Variants in CORO2B observed in about 807,000 individuals in gnomAD.
CORO2B encodes the protein coronin 2B.
In CORO2B, 26 loss-of-function variants were observed where a neutral mutation model predicts 58.8. The observed-to-expected ratio is 0.44, with a 90% CI of 0.32 to 0.61. CORO2B has a LOEUF of 0.61. CORO2B is among the 20% of genes least tolerant of loss of function. The pLI is 0.04. For missense variants in CORO2B, 460 were observed against 645.1 expected, an observed-to-expected ratio of 0.71 and a Z score of 3.11; for synonymous variants, 242 against 253.8, an observed-to-expected ratio of 0.95 and a Z score of 0.44.
At chr15:68,584,843 C>A (rs1335072388) in intron 1 of CORO2B, among the ~76,000 whole-genome samples, 1 of 152,130 alleles carries the variant, frequency 6.6e-6, no homozygotes, top group Non-Finnish European at 1.5e-5. Context: ...ATGGGGCAGG[C>A]CTTGCCAGGG....
the CORO2B span, among the ~76,000 whole-genome samples, chr15:68,531,370 G>T: frequency 1.3e-5 from 2 of 152,050 alleles, no homozygotes; most frequent in African/African-American, 4.8e-5. Context: ...GGTGATGTGT[G>T]CCTGTAATCC....
At chr15:68,660,250 G>A (rs1330822726) in intron 2 of CORO2B, among the ~76,000 whole-genome samples, 8 of 152,154 alleles carry the variant, frequency 5.3e-5, no homozygotes, top group African/African-American at 1.9e-4. Context: ...TTGTTTGCTG[G>A]TGCTGCTTCT....
intron 1 of CORO2B, among the ~76,000 whole-genome samples, chr15:68,605,943 C>CT (rs1432990062): frequency 6.6e-6 from 1 of 151,852 alleles, no homozygotes; most frequent in African/African-American, 2.4e-5. Context: ...TCAGGCAGGT[C>CT]TCAAACTCCT....
the CORO2B span, among the ~76,000 whole-genome samples, chr15:68,558,655 CAT>C: frequency 6.6e-6 from 1 of 152,202 alleles, no homozygotes; most frequent in African/African-American, 2.4e-5. Flanking sequence ...GGATTACAAG[CAT>C]GAGCCACCGC....
intron 2 of CORO2B, among the ~76,000 whole-genome samples, chr15:68,660,194 C>A (rs1232523596): frequency 1.3e-5 from 2 of 152,178 alleles, no homozygotes; most frequent in Non-Finnish European, 2.9e-5. Context: ...AAGTCAAGAG[C>A]AGTCTTGAAT....
At chr15:68,650,114 AT>A (rs1410752020) in intron 2 of CORO2B, among the ~76,000 whole-genome samples, 1 of 152,194 alleles carries the variant, frequency 6.6e-6, no homozygotes, top group Non-Finnish European at 1.5e-5. Flanking sequence ...ACCCCCTGTA[AT>A]CCCAGCACTT....
chr15:68,578,587 C>G (rs1293969408), upstream of CORO2B, among the ~76,000 whole-genome samples: 1 of 151,968 alleles, frequency 6.6e-6, no homozygotes, highest in Non-Finnish European at 1.5e-5. This position sits in a 1 kb window ranked among gnomAD's most constrained non-coding sequence, Gnocchi z 4.2. Flanking sequence ...TCACGGCCCA[C>G]GGGCCGACTT....
chr15:68,536,026 G>T, the CORO2B span, among the ~76,000 whole-genome samples: 97 of 152,260 alleles, frequency 6.4e-4, no homozygotes, highest in African/African-American at 2.2e-3. Flanking sequence ...AAACTTATAT[G>T]GTTCTGAAAA....
chr15:68,619,461 C>A (rs998418342), intron 1 of CORO2B, among the ~76,000 whole-genome samples: 1 of 152,036 alleles, frequency 6.6e-6, no homozygotes, highest in African/African-American at 2.4e-5. Flanking sequence ...TCTTATCATC[C>A]CCTGGGGCTT....
At chr15:68,630,263 A>G (rs1189491595) in intron 1 of CORO2B, among the ~76,000 whole-genome samples, 3 of 152,214 alleles carry the variant, frequency 2.0e-5, no homozygotes, top group Non-Finnish European at 4.4e-5. Flanking sequence ...TGCAACGGGC[A>G]GCATGAACTT....
intron 2 of CORO2B, among the ~76,000 whole-genome samples, chr15:68,654,374 C>T (rs1222365176): frequency 6.6e-6 from 1 of 152,220 alleles, no homozygotes; most frequent in African/African-American, 2.4e-5. Context: ...GAGCTGTCTT[C>T]CTGGCTCCAT....
At chr15:68,600,461 C>G (rs2140238846) in intron 1 of CORO2B, among the ~76,000 whole-genome samples, 1 of 152,316 alleles carries the variant, frequency 6.6e-6, no homozygotes, top group Middle Eastern at 3.4e-3. Flanking sequence ...TGGATAACCA[C>G]CGCTGCCCTC....
the CORO2B span, chr15:68,559,751 C>A: frequency 2.0e-6 from 1 of 494,128 alleles, no homozygotes; most frequent in Non-Finnish European, 2.6e-6. This position sits in a 1 kb window ranked among gnomAD's most constrained non-coding sequence, Gnocchi z 4.3. Flanking sequence ...CGAGACCGCT[C>A]CACGTGCAGC....
the CORO2B span, among the ~76,000 whole-genome samples, chr15:68,537,597 G>A: frequency 6.6e-6 from 1 of 152,124 alleles, no homozygotes; most frequent in Non-Finnish European, 1.5e-5. Context: ...CCGTCACCTA[G>A]GTATTAAGCC....
At position 68,599,351 on chromosome 15, in the gene CORO2B, C is replaced by T. The variant is rs538247112; in HGVS notation, c.15+20074C>T. On this transcript the variant is annotated intron_variant, in intron 1 of 11. Transcript: ENST00000261861. ...GCCCTGAGTGGGAGGGAGCGTGTCG[C>T]GCCACAGATCCCATTGGGTGCTCCT... 5.3e-5 allele frequency among the ~76,000 whole-genome samples: 8 copies of T among 152,200 alleles called. No individual in the cohort carries two copies. In the South Asian group the frequency reaches 6.2e-4, roughly 12 times the overall value.
intron 4 of CORO2B, 151 bp downstream of exon 4, chr15:68,711,032 G>GGCGA: frequency 2.3e-6 from 2 of 881,992 alleles, no homozygotes; most frequent in Admixed American, 3.3e-5. Context: ...TTCGCTACAC[G>GGCGA]CAACTGAGCA....
intron 2 of CORO2B, among the ~76,000 whole-genome samples, chr15:68,677,891 C>G (rs1365920544): frequency 6.6e-6 from 1 of 152,192 alleles, no homozygotes. Context: ...TCCCCTGGTT[C>G]AGCCAGCCAC....
chr15:68,561,092 C>T, the CORO2B span, among the ~76,000 whole-genome samples: 1 of 152,182 alleles, frequency 6.6e-6, no homozygotes, highest in Non-Finnish European at 1.5e-5. Flanking sequence ...CCGCGTCCCC[C>T]AGGCTCCCAG....
chr15:68,611,584 A>G (rs958810562), intron 1 of CORO2B, among the ~76,000 whole-genome samples: 8 of 152,156 alleles, frequency 5.3e-5, no homozygotes, highest in Non-Finnish European at 7.3e-5. Context: ...GTTAATTACT[A>G]CATCTTTTTC....
Sources: allele counts gnomAD v4.1 joint callset (sites outside exome capture counted in the v4.1 genomes callset), GRCh38; gene constraint gnomAD v4.1.1; non-coding constraint Gnocchi (gnomAD v3.1); transcripts MANE v1.5; gene names NCBI Gene and HGNC (gene_info 2026-07-23, HGNC 2026-07-21).